The following CALD1 variants were observed in gnomAD, a reference collection of about 807,000 sequenced individuals.
The protein encoded by CALD1 is caldesmon.
Under a neutral mutation model 99.9 loss-of-function variants are expected in CALD1, and 33 were observed. The ratio of observed to expected loss-of-function variants is 0.33; its 90% confidence interval spans 0.25 to 0.44. CALD1 has a LOEUF of 0.44. Among genes scored for constraint, CALD1 ranks in the 20% least tolerant of loss-of-function variants. CALD1 has a pLI of 1.00. For synonymous variants in CALD1, 310 were observed against 325.0 expected (o/e 0.95, Z 0.50); for missense variants, 861 against 962.1 (o/e 0.89, Z 1.39).
At chr7:134,896,908 C>T (rs1802613558) in intron 3 of CALD1, among the ~76,000 whole-genome samples, 1 of 152,228 alleles carries the variant, frequency 6.6e-6, no homozygotes, top group African/African-American at 2.4e-5. Context: ...AGCTTCGTTT[C>T]TCCATACCAG....
At chr7:134,803,700 T>A in intron 1 of CALD1, among the ~76,000 whole-genome samples, 1 of 148,886 alleles carries the variant, frequency 6.7e-6, no homozygotes, top group South Asian at 2.1e-4. Context: ...GGTCTAATTT[T>A]TTTTTTTTTT....
intron 9 of CALD1, among the ~76,000 whole-genome samples, chr7:134,952,253 A>C (rs1162899475): frequency 6.6e-6 from 1 of 152,064 alleles, no homozygotes; most frequent in East Asian, 1.9e-4. Flanking sequence ...GTGAGCCGAG[A>C]TCGTGCCACT....
At chr7:134,906,230 G>A (rs777245120) in intron 3 of CALD1, among the ~76,000 whole-genome samples, 5 of 151,854 alleles carry the variant, frequency 3.3e-5, no homozygotes, top group South Asian at 2.1e-4. Flanking sequence ...ATGCCTGGCC[G>A]GACTTCTCTA....
upstream of CALD1, among the ~76,000 whole-genome samples, chr7:134,740,445 A>C (rs544943616): frequency 6.6e-6 from 1 of 152,212 alleles, no homozygotes; most frequent in South Asian, 2.1e-4. Flanking sequence ...AATTATAGGG[A>C]TACAGGATGG....
chr7:134,958,153 A>T, intron 10 of CALD1, 41 bp downstream of exon 10: 1 of 1,607,904 alleles, frequency 6.2e-7, no homozygotes, highest in Middle Eastern at 1.7e-4. Flanking sequence ...ATCAGCTAGC[A>T]TATGTATGAG....
chr7:134,764,368 G>C (rs1315429320), intron 1 of CALD1, among the ~76,000 whole-genome samples: 1 of 152,020 alleles, frequency 6.6e-6, no homozygotes, highest in African/African-American at 2.4e-5. Context: ...AGGGAGTAGA[G>C]AAAAAGAGAA....
At chr7:134,936,152 A>G (rs764444771) in intron 6 of CALD1, among the ~76,000 whole-genome samples, 37 of 152,208 alleles carry the variant, frequency 2.4e-4, no homozygotes, top group Non-Finnish European at 4.7e-4. Flanking sequence ...TTTCATTTCA[A>G]TCATGAAATA....
chr7:134,937,991 C>T (rs1003840758), intron 6 of CALD1, among the ~76,000 whole-genome samples: 1 of 152,120 alleles, frequency 6.6e-6, no homozygotes, highest in African/African-American at 2.4e-5. Context: ...CCGAGCTGCT[C>T]CTGAGGTATT....
chr7:134,767,971 A>T (rs1228690512), intron 1 of CALD1, among the ~76,000 whole-genome samples: 1 of 152,216 alleles, frequency 6.6e-6, no homozygotes, highest in Non-Finnish European at 1.5e-5. Flanking sequence ...TGACTCAGAT[A>T]CCCATTGGAG....
chr7:134,780,364 C>A (rs997881543), intron 1 of CALD1, among the ~76,000 whole-genome samples: 1 of 151,824 alleles, frequency 6.6e-6, no homozygotes, highest in Non-Finnish European at 1.5e-5. Context: ...TTTGCTAAGA[C>A]AGAAGATGCC....
At position 134,795,014 on chromosome 7, in the gene CALD1, G is replaced by A. The variant is rs536395119; in HGVS notation, c.-130+15265G>A. 7.9e-5 allele frequency among the ~76,000 whole-genome samples: 12 copies of A among 152,296 alleles called. No individual in the cohort carries two copies. In the East Asian group the frequency reaches 2.1e-3, roughly 27 times the overall value. ...AGTATTTTCCTCTTGTAAGTCGCTG[G>A]AAGCCAGTCCACTGATACCTGAAAT... On this transcript the variant is annotated intron_variant, in intron 1 of 14. Transcript: ENST00000361675.
chr7:134,759,568 G>A (rs1001741255), intron 1 of CALD1, among the ~76,000 whole-genome samples: 1 of 152,220 alleles, frequency 6.6e-6, no homozygotes, highest in African/African-American at 2.4e-5. Flanking sequence ...CTAGAGTGGA[G>A]AGTGAATGTG....
At chr7:134,721,354 G>A in the CALD1 span, among the ~76,000 whole-genome samples, 1 of 151,374 alleles carries the variant, frequency 6.6e-6, no homozygotes, top group Non-Finnish European at 1.5e-5. Context: ...AAAGGATGGG[G>A]TACTTCATGA....
rs1805335041 is a variant in CALD1, at chr7:134,929,608, G to GTGTGTGTATATACACACACATATATGTA, written c.218+713_218+714insGTATATACACACACATATATGTATGTGT. Among the ~76,000 whole-genome samples the GTGTGTGTATATACACACACATATATGTA allele has an allele frequency of 2.0e-3, 10 of 5,108 alleles. 1 individual carries two copies. Among genetic ancestry groups the GTGTGTGTATATACACACACATATATGTA allele is most frequent in the Non-Finnish European group, 3.4e-3 (10 of 2,940 alleles). The allele number at this position is 5,108 out of a possible 152,430, so 3.4% of individuals were successfully genotyped here. A position where few individuals can be genotyped will look rare whatever the true frequency, so the allele number is the denominator to read the frequency against. Reference sequence around the variant, plus strand: ...TTATGGCTGAATAGTATTCCATGGTGTGTGTATATATACGTGTGTGTGTGT... The same window carrying GTGTGTGTATATACACACACATATATGTA: ...TTATGGCTGAATAGTATTCCATGGTGTGTGTGTATATACACACACATATATGTATGTGTATATATACGTGTGTGTGTGT... On this transcript the variant is annotated intron_variant, in intron 4 of 14. Coordinates refer to ENST00000361675, the MANE Select transcript of CALD1 (RefSeq NM_033138.4).
At chr7:134,770,495 C>A (rs1337269836) in intron 1 of CALD1, among the ~76,000 whole-genome samples, 1 of 152,128 alleles carries the variant, frequency 6.6e-6, no homozygotes, top group African/African-American at 2.4e-5. Context: ...CACTGGCAAG[C>A]CTCAGCATTC....
Position 134,933,631 on chromosome 7 carries a change from A to C in CALD1, c.862A>C (p.Ile288Leu), listed in dbSNP as rs1168894661. 1 of 1,610,976 alleles carries C rather than the reference A, an allele frequency of 6.2e-7. No homozygotes were observed. Among genetic ancestry groups the C allele is most frequent in the African/African-American group, 1.3e-5 (1 of 74,896 alleles). ...ERIKAEQDKK[I>L]ADERARIEAE... ...AATTAAAGCCGAGCAAGACAAAAAG[A>C]TAGCAGATGAACGAGCAAGAATTGA... Residue 288 changes from isoleucine to leucine, a missense_variant, in exon 5 of 15, where the codon ATA (isoleucine) becomes CTA (leucine). Ile to Leu is a conservative substitution (Grantham distance 5, BLOSUM62 2). Around this residue, in one of 5 missense-constraint regions of CALD1, gnomAD observed 234 missense variants for 233.1 expected, o/e 1.00. Transcript: ENST00000361675.
At chr7:134,756,055 T>G (rs116602632) in intron 1 of CALD1, among the ~76,000 whole-genome samples, 1,693 of 152,106 alleles carry the variant, frequency 0.011, 46 homozygotes, top group African/African-American at 0.038. Flanking sequence ...CATGCCCTGC[T>G]AATTTGTGTA....
At chr7:134,811,211 C>T (rs1798343399) in intron 1 of CALD1, among the ~76,000 whole-genome samples, 2 of 152,200 alleles carry the variant, frequency 1.3e-5, no homozygotes, top group Non-Finnish European at 2.9e-5. Context: ...AAAGCAGAGG[C>T]TCAACAAATG....
In CALD1 at chr7:134,867,755, A is replaced by C. The variant is rs747231908; in HGVS notation, c.22A>C (p.Arg8=). Residue 8 remains arginine (R), a synonymous_variant, in exon 3 of 15, where the codon AGA becomes CGA. Transcript: ENST00000361675. The part of the protein sequence containing the change: MDDFERR[R]ELRRQKREEM... Reference sequence around the variant, plus strand: ...CACCATGGATGATTTTGAGCGTCGCAGAGAACTTAGAAGGCAAAAGAGGGA... The same window carrying C: ...CACCATGGATGATTTTGAGCGTCGCCGAGAACTTAGAAGGCAAAAGAGGGA... The C allele has an allele frequency of 1.2e-6, 2 of 1,610,484 alleles. No homozygotes were observed. The highest frequency in any genetic ancestry group is 1.7e-6 in the Non-Finnish European group (2 of 1,177,772).
Sources: gnomAD v4.1 joint callset for allele counts (sites outside exome capture counted in the v4.1 genomes callset) on GRCh38, gnomAD v4.1.1 for gene constraint, gnomAD v4.1.1 regional missense constraint, MANE v1.5 for transcripts, NCBI Gene and HGNC (gene_info 2026-07-23, HGNC 2026-07-21) for gene names.